The following PCDHA4 variants were observed in gnomAD, a reference collection of about 807,000 sequenced individuals.
The protein encoded by PCDHA4 is protocadherin alpha 4.
PCDHA4 carries 49 observed loss-of-function variants against 61.4 expected under a neutral mutation model. The observed-to-expected ratio is 0.80, with a 90% CI of 0.63 to 1.01. The LOEUF is 1.01. PCDHA4 is among the 50% of genes least tolerant of loss of function. PCDHA4 has a pLI of 0.00. For missense variants in PCDHA4, 1,254 were observed against 1,235.8 expected (o/e 1.01, Z -0.22); for synonymous variants, 590 against 550.3 (o/e 1.07, Z -1.01).
At chr5:140,850,853 G>T in intron 1 of PCDHA4, 1 of 1,595,240 alleles carries the variant, frequency 6.3e-7, no homozygotes, top group Non-Finnish European at 8.6e-7. Context: ...CAGAGCGAAC[G>T]GGAGAACCCT....
At chr5:140,972,415 A>G (rs1048437043) in intron 1 of PCDHA4, among the ~76,000 whole-genome samples, 2 of 152,138 alleles carry the variant, frequency 1.3e-5, no homozygotes, top group East Asian at 3.9e-4. Flanking sequence ...AACCCTGTTA[A>G]GATCTTTTAT....
At chr5:140,898,408 G>A (rs1189859035) in intron 1 of PCDHA4, among the ~76,000 whole-genome samples, 7 of 152,096 alleles carry the variant, frequency 4.6e-5, no homozygotes, top group African/African-American at 9.7e-5. Flanking sequence ...TTCTACATAC[G>A]GCTAGCCAGT....
chr5:140,862,315 C>T, intron 1 of PCDHA4: 1 of 317,364 alleles, frequency 3.2e-6, no homozygotes, highest in Non-Finnish European at 6.2e-6. Context: ...CCGTCATAGC[C>T]CTAATCAGTG....
chr5:140,884,506 G>T (rs10076265), intron 1 of PCDHA4: 2 of 1,614,054 alleles, frequency 1.2e-6, no homozygotes, highest in Admixed American at 3.3e-5. Flanking sequence ...GCGCGGCAGG[G>T]AGTTGGTCGT....
At chr5:140,811,949 T>C (rs1764997000) in intron 1 of PCDHA4, 2 of 152,210 alleles carry the variant, frequency 1.3e-5, no homozygotes, top group South Asian at 4.1e-4. Flanking sequence ...ATTCTGTAGG[T>C]TGCCTGTTCA....
intron 1 of PCDHA4, among the ~76,000 whole-genome samples, chr5:140,892,166 A>G (rs2063413664): frequency 6.6e-6 from 1 of 152,228 alleles, no homozygotes; most frequent in Admixed American, 6.5e-5. Flanking sequence ...TATGTCCAGT[A>G]ACTGGGATCC....
At chr5:140,848,419 T>C in intron 1 of PCDHA4, 1 of 1,412,874 alleles carries the variant, frequency 7.1e-7, no homozygotes, top group Non-Finnish European at 9.7e-7. Context: ...CACAGCAGAA[T>C]GGGACTGACG....
At chr5:140,897,367 T>G (rs1554187348) in intron 1 of PCDHA4, among the ~76,000 whole-genome samples, 1 of 125,642 alleles carries the variant, frequency 8.0e-6, no homozygotes, top group South Asian at 2.5e-4. Flanking sequence ...CAGAGTGTGA[T>G]GTTCCCTTCC....
At chr5:140,925,072 G>A (rs921580794) in intron 1 of PCDHA4, among the ~76,000 whole-genome samples, 10 of 149,184 alleles carry the variant, frequency 6.7e-5, no homozygotes, top group Admixed American at 2.0e-4. Flanking sequence ...AAAGCAACAC[G>A]CTCATCTGGA....
chr5:140,909,945 A>C (rs540241627), intron 1 of PCDHA4, among the ~76,000 whole-genome samples: 3 of 152,316 alleles, frequency 2.0e-5, no homozygotes, highest in Non-Finnish European at 4.4e-5. Context: ...ACTCTGGTAA[A>C]AAGCCGTAGG....
intron 1 of PCDHA4, chr5:140,877,600 C>G (rs1554169914): frequency 6.2e-7 from 1 of 1,613,878 alleles, no homozygotes; most frequent in Admixed American, 1.7e-5. Context: ...GGTGTCCAGC[C>G]TGCTGGTGCT....
At chr5:140,876,184 A>T in intron 1 of PCDHA4, 1 of 1,613,968 alleles carries the variant, frequency 6.2e-7, no homozygotes. Flanking sequence ...TGTGAATGAC[A>T]ATGGTCCGGC....
intron 1 of PCDHA4, chr5:140,823,937 G>T (rs2150130560): frequency 6.2e-7 from 1 of 1,613,788 alleles, no homozygotes; most frequent in African/African-American, 1.3e-5. Flanking sequence ...ACCGCGCTGC[G>T]GTGCTCGGCG....
chr5:140,832,186 C>T (rs1186762604), intron 1 of PCDHA4, among the ~76,000 whole-genome samples: 1 of 152,198 alleles, frequency 6.6e-6, no homozygotes, highest in African/African-American at 2.4e-5. Context: ...ATTCAAAAGA[C>T]ATTTAACCTG....
At chr5:140,820,790 A>G (rs1554127920) in intron 1 of PCDHA4, among the ~76,000 whole-genome samples, 1 of 152,128 alleles carries the variant, frequency 6.6e-6, no homozygotes, top group African/African-American at 2.4e-5. Context: ...ATGTAAGTAC[A>G]AAGGTATGTA....
chr5:140,830,725 T>C (rs1319417645), intron 1 of PCDHA4: 15 of 221,188 alleles, frequency 6.8e-5, no homozygotes, highest in African/African-American at 2.7e-4. Flanking sequence ...AACCAAAATA[T>C]TCTTGGATAT....
intron 3 of PCDHA4, among the ~76,000 whole-genome samples, chr5:140,997,807 G>A (rs557351308): frequency 4.5e-4 from 68 of 152,118 alleles, no homozygotes; most frequent in African/African-American, 1.5e-3. Context: ...CCAATTTGCT[G>A]TTGGTATCTA....
chr5:140,887,880 G>A (rs2061617016), intron 1 of PCDHA4, among the ~76,000 whole-genome samples: 1 of 151,970 alleles, frequency 6.6e-6, no homozygotes, highest in African/African-American at 2.4e-5. Flanking sequence ...TCCTTTTGTA[G>A]TATCATATCT....
chr5:140,871,257 G>C (rs374337862), intron 1 of PCDHA4: 21 of 1,613,824 alleles, frequency 1.3e-5, no homozygotes, highest in East Asian at 2.2e-5. Context: ...TGCTGTATAC[G>C]GCGCTGTGGT....
Sources: allele counts gnomAD v4.1 joint callset (sites outside exome capture counted in the v4.1 genomes callset), GRCh38; gene constraint gnomAD v4.1.1; transcripts MANE v1.5; gene names NCBI Gene and HGNC (gene_info 2026-07-23, HGNC 2026-07-21).